The following USP34 variants were observed in gnomAD, a reference collection of about 807,000 sequenced individuals.
USP34 encodes ubiquitin carboxyl-terminal hydrolase 34.
A neutral mutation model predicts 460.3 loss-of-function variants in USP34; 70 were observed. That is an observed-to-expected ratio of 0.15 (90% confidence interval 0.13 to 0.19). The LOEUF is 0.19. Ranked by LOEUF, USP34 falls within the 10% of genes least tolerant of loss-of-function variation. The probability of loss-of-function intolerance (pLI) is 1.00; values close to 1 mark genes in which losing one functional copy is unlikely to be tolerated. For synonymous variants in USP34, 1,647 were observed against 1,405.3 expected (o/e 1.17, Z -3.85); for missense variants, 3,985 against 4,236.2 (o/e 0.94, Z 1.65).
rs113689443 is a variant in USP34, at chr2:61,459,764, C to CAA, written c.43+10884_43+10885dup. 2.2e-3 allele frequency among the ~76,000 whole-genome samples: 223 copies of CAA among 101,026 alleles called. 1 individual carries two copies. Among genetic ancestry groups the CAA allele is most frequent in the African/African-American group, 7.3e-3 (205 of 27,904 alleles). 66.3% of individuals were successfully genotyped at this position (101,026 alleles called of 152,430 possible). On this transcript the variant is annotated intron_variant, in intron 1 of 79. Coordinates refer to ENST00000398571, the MANE Select transcript of USP34 (RefSeq NM_014709.4). ...TGCACTCCAGCCTGGGCTACAGAGC[C>CAA]AAAAAAAAAAAAAGGCCAGGCACAG...
At chr2:61,215,535 G>A (rs1230858672) in intron 67 of USP34, among the ~76,000 whole-genome samples, 1 of 152,194 alleles carries the variant, frequency 6.6e-6, no homozygotes, top group Non-Finnish European at 1.5e-5. Context: ...ACCTGTAAAA[G>A]CAGTTACTAT....
chr2:61,345,345 G>C (rs959707960), intron 15 of USP34, among the ~76,000 whole-genome samples: 1 of 152,042 alleles, frequency 6.6e-6, no homozygotes, highest in Admixed American at 6.6e-5. Flanking sequence ...AATCTCAGAT[G>C]CATCAGTGCT....
At chr2:61,281,872 C>T (rs1353708309) in intron 37 of USP34, among the ~76,000 whole-genome samples, 1 of 152,170 alleles carries the variant, frequency 6.6e-6, no homozygotes, top group African/African-American at 2.4e-5. Context: ...AGAAGCAACA[C>T]AGAAGCAACT....
intron 2 of USP34, among the ~76,000 whole-genome samples, chr2:61,407,511 T>G (rs1693912396): frequency 6.6e-6 from 1 of 152,234 alleles, no homozygotes; most frequent in Non-Finnish European, 1.5e-5. Flanking sequence ...ACAACTATAT[T>G]GTAGTCCAAA....
In USP34 at chr2:61,344,001, C is replaced by G; in HGVS notation, c.2314G>C (p.Asp772His). Reference sequence around the variant, plus strand: ...TGGGAGCTACTACAACTGACATCATCTGCACTTAGCATATCATCAACCATA... The same window carrying G: ...TGGGAGCTACTACAACTGACATCATGTGCACTTAGCATATCATCAACCATA... ...GHMVDDMLSA[D>H]DVSCSSSQVS... is the part of the protein sequence containing the mutation. Residue 772 changes from aspartate (D) to histidine (H), a missense_variant, in exon 16 of 80, where the codon GAT becomes CAT. Asp to His is a moderately conservative substitution (Grantham distance 81). Around this residue, in one of 14 missense-constraint regions of USP34, gnomAD observed 716 missense variants for 626.2 expected, o/e 1.14. Transcript: ENST00000398571. 2 of 1,613,850 alleles carry G rather than the reference C, an allele frequency of 1.2e-6. No homozygotes were observed. Among genetic ancestry groups the G allele is most frequent in the South Asian group, 2.2e-5 (2 of 91,070 alleles).
intron 27 of USP34, 143 bp downstream of exon 27, chr2:61,311,397 A>C: frequency 1.1e-6 from 1 of 917,866 alleles, no homozygotes; most frequent in Non-Finnish European, 1.5e-6. Flanking sequence ...AACACAAGAC[A>C]AACCAAGACA....
chr2:61,369,767 A>G (rs561570528), intron 10 of USP34, among the ~76,000 whole-genome samples: 4 of 151,730 alleles, frequency 2.6e-5, no homozygotes, highest in East Asian at 1.9e-4. Context: ...AAGAAAGAAA[A>G]AAAAAAAAGT....
intron 10 of USP34, among the ~76,000 whole-genome samples, chr2:61,361,971 T>TAATA (rs527600718): frequency 1.1e-3 from 163 of 151,206 alleles, no homozygotes; most frequent in East Asian, 2.3e-3. Flanking sequence ...AGCAAAAAAA[T>TAATA]AATAAATAAA....
intron 1 of USP34, among the ~76,000 whole-genome samples, chr2:61,462,744 C>T (rs1695641790): frequency 6.6e-6 from 1 of 151,740 alleles, no homozygotes; most frequent in Admixed American, 6.6e-5. Flanking sequence ...GCCTATAATC[C>T]CAGCTACTTG....
At position 61,378,414 on chromosome 2, in the gene USP34, T is replaced by C; in HGVS notation, c.1025A>G (p.His342Arg). 1 of 1,589,948 alleles carries C rather than the reference T, an allele frequency of 6.3e-7. No individual in the cohort carries two copies. Among genetic ancestry groups the C allele is most frequent in the Non-Finnish European group, 8.5e-7 (1 of 1,172,652 alleles). Residue 342 changes from histidine (H) to arginine (R), a missense_variant, in exon 8 of 80, where the codon CAT (histidine) becomes CGT (arginine). This residue lies in a region of USP34 where 716 missense variants were observed against 626.2 expected (regional missense o/e 1.14). Coordinates refer to ENST00000398571, the MANE Select transcript of USP34 (RefSeq NM_014709.4). Reference protein sequence around the residue: ...AGLSQITNQLHTFNDVCNNES... With the variant: ...AGLSQITNQLRTFNDVCNNES... ...ATTATTGCACACATCATTGAAGGTATGGAGTTGATTCTATGATTAAAGACA... is the reference window on the plus strand; with the variant it reads ...ATTATTGCACACATCATTGAAGGTACGGAGTTGATTCTATGATTAAAGACA...
At chr2:61,376,351 CA>C (rs1373126026) in intron 8 of USP34, among the ~76,000 whole-genome samples, 2 of 152,198 alleles carry the variant, frequency 1.3e-5, no homozygotes, top group Non-Finnish European at 2.9e-5. Flanking sequence ...CACCAGTCCT[CA>C]ATACTTTTGT....
At chr2:61,275,008 G>A (rs1689329316) in intron 41 of USP34, among the ~76,000 whole-genome samples, 1 of 152,158 alleles carries the variant, frequency 6.6e-6, no homozygotes, top group Non-Finnish European at 1.5e-5. Flanking sequence ...CAGGCATGGT[G>A]GCTCATGCCT....
At chr2:61,264,719 A>C (rs543213096) in intron 43 of USP34, among the ~76,000 whole-genome samples, 1 of 152,180 alleles carries the variant, frequency 6.6e-6, no homozygotes, top group Non-Finnish European at 1.5e-5. Flanking sequence ...TACAAAAGGC[A>C]AACTAAAAAA....
intron 9 of USP34, 24 bp downstream of exon 9, chr2:61,370,474 G>A: frequency 1.9e-6 from 3 of 1,613,232 alleles, no homozygotes; most frequent in African/African-American, 1.3e-5. Context: ...ATAGAACAGA[G>A]AAGTTATGTA....
At chr2:61,447,447 G>A (rs1169771900) in intron 1 of USP34, among the ~76,000 whole-genome samples, 2 of 151,968 alleles carry the variant, frequency 1.3e-5, no homozygotes, top group Non-Finnish European at 2.9e-5. Flanking sequence ...TCCTTGAAGT[G>A]ACATGCTTGG....
chr2:61,376,654 T>C (rs1428914707), intron 8 of USP34, among the ~76,000 whole-genome samples: 1 of 152,192 alleles, frequency 6.6e-6, no homozygotes, highest in East Asian at 1.9e-4. Flanking sequence ...TTGTTTGTTT[T>C]GGTTTTTTTC....
intron 1 of USP34, among the ~76,000 whole-genome samples, chr2:61,439,288 G>A (rs1016705717): frequency 6.6e-6 from 1 of 152,112 alleles, no homozygotes; most frequent in Non-Finnish European, 1.5e-5. Flanking sequence ...CTCCTGCTGT[G>A]CCTCAGCTGT....
chr2:61,278,328 A>C lies in USP34; in HGVS notation c.5313-43T>G, dbSNP rs534745675. ...AATACACACAAGCAAGATAGTTCAC[A>C]TAATTATGTCTTTTATCTTTCCTCG... On this transcript the variant is annotated intron_variant, in intron 40 of 79. Coordinates refer to ENST00000398571, the MANE Select transcript of USP34 (RefSeq NM_014709.4). The C allele has an allele frequency of 2.5e-6, 4 of 1,609,942 alleles. No homozygotes were observed. The Admixed American group carries it at 6.8e-5, about 27-fold the overall frequency.
intron 33 of USP34, among the ~76,000 whole-genome samples, chr2:61,292,069 G>T (rs72813516): frequency 0.14 from 22,038 of 152,082 alleles, 2,143 homozygotes; most frequent in South Asian, 0.37. Flanking sequence ...AAGCGTTTAG[G>T]GGGAGGTTTC....
Sources: allele counts gnomAD v4.1 joint callset (sites outside exome capture counted in the v4.1 genomes callset), GRCh38; gene constraint gnomAD v4.1.1; regional missense constraint gnomAD v4.1.1; transcripts MANE v1.5; gene names NCBI Gene and HGNC (gene_info 2026-07-23, HGNC 2026-07-21).